RARB: variants seen among roughly 807,000 people sequenced by gnomAD.
The protein encoded by RARB is HBV-activated protein.
In RARB, 17 loss-of-function variants were observed where a neutral mutation model predicts 51.9. The observed-to-expected ratio is 0.33, with a 90% CI of 0.22 to 0.49. The LOEUF is 0.49. Among genes scored for constraint, RARB ranks in the 20% least tolerant of loss-of-function variants. The pLI is 0.99. For missense variants in RARB, 369 were observed against 550.8 expected, an observed-to-expected ratio of 0.67 and a Z score of 3.30; for synonymous variants, 215 against 195.4, an observed-to-expected ratio of 1.10 and a Z score of -0.84.
chr3:25,085,758 T>G (rs549052229), intron 3 of RARB, among the ~76,000 whole-genome samples: 1 of 152,186 alleles, frequency 6.6e-6, no homozygotes, highest in Non-Finnish European at 1.5e-5. Context: ...CTCAGACTTG[T>G]GTCAAATCCA....
chr3:25,480,502 G>C (rs891435101), intron 2 of RARB, among the ~76,000 whole-genome samples: 1 of 152,088 alleles, frequency 6.6e-6, no homozygotes, highest in Non-Finnish European at 1.5e-5. Context: ...TGGTAGCTAA[G>C]GTAACTAACT....
intron 5 of RARB, among the ~76,000 whole-genome samples, chr3:25,338,360 G>T (rs1281136064): frequency 6.6e-6 from 1 of 152,254 alleles, no homozygotes; most frequent in Middle Eastern, 3.4e-3. Flanking sequence ...TGTTTTTCAT[G>T]ATTGGAATGT....
intron 2 of RARB, among the ~76,000 whole-genome samples, chr3:24,938,992 T>TGTTG (rs1553615775): frequency 2.7e-5 from 4 of 146,034 alleles, no homozygotes; most frequent in East Asian, 2.0e-4. Context: ...TTGTTGTTGT[T>TGTTG]TTTTTTTTTA....
chr3:25,378,775 G>A (rs1439547735), intron 5 of RARB, among the ~76,000 whole-genome samples: 3 of 152,086 alleles, frequency 2.0e-5, no homozygotes, highest in Admixed American at 2.0e-4. Context: ...TAACTTCAAG[G>A]TCTTTGGTCT....
At position 24,990,224 on chromosome 3, in the gene RARB, G is replaced by A. The variant is rs1280086326; in HGVS notation, c.-379-69901G>A. Among the ~76,000 whole-genome samples the A allele has an allele frequency of 3.3e-5, 3 of 89,594 alleles. 1 individual carries two copies. Among genetic ancestry groups the A allele is most frequent in the African/African-American group, 4.5e-5 (1 of 22,172 alleles). 58.8% of individuals were successfully genotyped at this position (89,594 alleles called of 152,430 possible). A position where few individuals can be genotyped will look rare whatever the true frequency, so the allele number is the denominator to read the frequency against. ...AAGTTTTAGGGTACATGTGCACAAT[G>A]TGCAGGTTAGTTACATATGTATACA... On this transcript the variant is annotated intron_variant, in intron 2 of 11. Coordinates refer to the RARB transcript ENST00000383772.
At chr3:24,842,715 C>T (rs1392813579) in intron 1 of RARB, among the ~76,000 whole-genome samples, 1 of 152,174 alleles carries the variant, frequency 6.6e-6, no homozygotes, top group African/African-American at 2.4e-5. Context: ...TTAACACATA[C>T]TTTATTTGTA....
intron 5 of RARB, among the ~76,000 whole-genome samples, chr3:25,226,290 C>T (rs1369732973): frequency 6.6e-6 from 1 of 152,032 alleles, no homozygotes; most frequent in East Asian, 1.9e-4. Flanking sequence ...TTACAAGAGC[C>T]TTTATTAAAC....
At chr3:25,263,130 C>T (rs1357601939) in intron 5 of RARB, among the ~76,000 whole-genome samples, 1 of 152,116 alleles carries the variant, frequency 6.6e-6, no homozygotes, top group Non-Finnish European at 1.5e-5. Context: ...TTTCTATGAA[C>T]GTTTGTCATC....
chr3:25,593,538 A>C lies in RARB; in HGVS notation c.822A>C (p.Gln274His). The C allele has an allele frequency of 6.2e-7, 1 of 1,614,004 alleles. No individual in the cohort carries two copies. Among genetic ancestry groups the C allele is most frequent in the South Asian group, 1.1e-5 (1 of 91,076 alleles). Residue 274 changes from glutamine to histidine, a missense_variant, in exon 6 of 8, where the codon CAA becomes CAC. By Grantham distance (24) the Gln-to-His change is conservative. Around this residue, in one of 9 missense-constraint regions of RARB, gnomAD observed 49 missense variants for 103.4 expected, o/e 0.47. Coordinates refer to ENST00000330688, the MANE Select transcript of RARB (RefSeq NM_000965.5). ...LRICTRYTPE[Q>H]DTMTFSDGLT... is the part of the protein sequence containing the mutation. Reference sequence around the variant, plus strand: ...TTTGCACCAGGTATACCCCAGAACAAGACACCATGACTTTCTCAGACGGCC... The same window carrying C: ...TTTGCACCAGGTATACCCCAGAACACGACACCATGACTTTCTCAGACGGCC...
intron 2 of RARB, among the ~76,000 whole-genome samples, chr3:24,994,149 A>G (rs1158303376): frequency 6.6e-6 from 1 of 152,104 alleles, no homozygotes; most frequent in Admixed American, 6.6e-5. Context: ...TCTTTTATCC[A>G]CATCCTCACC....
At chr3:25,452,433 T>G (rs1459755403) in intron 1 of RARB, among the ~76,000 whole-genome samples, 4 of 148,294 alleles carry the variant, frequency 2.7e-5, no homozygotes, top group African/African-American at 1.0e-4. Context: ...ACAGAGTGAT[T>G]AGTGGGTCCT....
intron 3 of RARB, among the ~76,000 whole-genome samples, chr3:25,064,919 T>G (rs760368570): frequency 3.3e-5 from 5 of 152,130 alleles, no homozygotes; most frequent in Non-Finnish European, 7.3e-5. Flanking sequence ...GCAAAGAATC[T>G]GTGATGCAAA....
intron 2 of RARB, among the ~76,000 whole-genome samples, chr3:25,468,090 C>A (rs910215453): frequency 6.6e-6 from 1 of 152,136 alleles, no homozygotes; most frequent in Non-Finnish European, 1.5e-5. Flanking sequence ...GGTCAGAAAC[C>A]AAACACTTGG....
chr3:25,136,789 G>A (rs1700037407), intron 4 of RARB, among the ~76,000 whole-genome samples: 1 of 151,980 alleles, frequency 6.6e-6, no homozygotes, highest in Non-Finnish European at 1.5e-5. Flanking sequence ...GAAGGCCTTA[G>A]AAGAACCATC....
At chr3:25,047,338 G>A (rs1056911723) in intron 2 of RARB, among the ~76,000 whole-genome samples, 2 of 152,034 alleles carry the variant, frequency 1.3e-5, no homozygotes, top group African/African-American at 4.8e-5. Flanking sequence ...TTCCTAAGAG[G>A]CCCTTTTGGA....
intron 5 of RARB, among the ~76,000 whole-genome samples, chr3:25,207,367 G>A (rs1299597802): frequency 6.6e-6 from 1 of 152,164 alleles, no homozygotes; most frequent in Non-Finnish European, 1.5e-5. Context: ...AAATTTGAAA[G>A]TGGTCTGCTT....
At position 24,851,636 on chromosome 3, in the gene RARB, A is replaced by G. The variant is rs543702905; in HGVS notation, c.-458-7038A>G. 1.8e-4 allele frequency among the ~76,000 whole-genome samples: 28 copies of G among 152,336 alleles called. 1 individual carries two copies. In the East Asian group the frequency reaches 5.4e-3, roughly 29 times the overall value. On this transcript the variant is annotated intron_variant, in intron 1 of 11. Transcript: ENST00000383772. ...ATGTTTTTTAAGCACTCAAACATGA[A>G]TAGCAGTTGTCAGAATTTACATCTT...
chr3:25,175,078 A>G (rs997478419), intron 5 of RARB, among the ~76,000 whole-genome samples: 1 of 152,192 alleles, frequency 6.6e-6, no homozygotes, highest in African/African-American at 2.4e-5. Flanking sequence ...AAGCTTTTTT[A>G]GTGTCCTTGG....
chr3:25,406,129 C>A (rs1291541412), intron 5 of RARB, among the ~76,000 whole-genome samples: 1 of 152,136 alleles, frequency 6.6e-6, no homozygotes, highest in African/African-American at 2.4e-5. Context: ...TGACCTTCAC[C>A]AACATGACCA....
Sources: allele counts gnomAD v4.1 joint callset (sites outside exome capture counted in the v4.1 genomes callset), GRCh38; gene constraint gnomAD v4.1.1; regional missense constraint gnomAD v4.1.1; transcripts MANE v1.5; gene names NCBI Gene and HGNC (gene_info 2026-07-23, HGNC 2026-07-21).